MAGI2: variants seen among roughly 807,000 people sequenced by gnomAD.
MAGI2 encodes the protein membrane-associated guanylate kinase, WW and PDZ domain-containing protein 2.
MAGI2 carries 35 observed loss-of-function variants against 133.3 expected under a neutral mutation model. The observed-to-expected ratio is 0.26, with a 90% CI of 0.20 to 0.35. The LOEUF (loss-of-function observed/expected upper bound fraction) is 0.35. MAGI2 is among the 10% of genes least tolerant of loss of function. The pLI is 1.00. For synonymous variants in MAGI2, 729 were observed against 710.6 expected (o/e 1.03, Z -0.41); for missense variants, 1,636 against 1,863.4 (o/e 0.88, Z 2.25).
At chr7:78,552,594 C>G (rs1295675567) in intron 3 of MAGI2, among the ~76,000 whole-genome samples, 2 of 152,120 alleles carry the variant, frequency 1.3e-5, no homozygotes, top group African/African-American at 4.8e-5. Flanking sequence ...ATACAAAGAA[C>G]TGTATAGTGG....
chr7:78,481,558 G>C (rs1272624469), intron 6 of MAGI2, among the ~76,000 whole-genome samples: 1 of 151,784 alleles, frequency 6.6e-6, no homozygotes, highest in Non-Finnish European at 1.5e-5. Flanking sequence ...TTACTATATA[G>C]CTGAAAAATC....
At chr7:78,633,591 A>C (rs1213161453) in intron 2 of MAGI2, among the ~76,000 whole-genome samples, 2 of 151,884 alleles carry the variant, frequency 1.3e-5, no homozygotes, top group Non-Finnish European at 2.9e-5. Flanking sequence ...CTGTAGTCCC[A>C]GCTACTCCGG....
At chr7:78,413,315 T>A (rs774722475) in intron 6 of MAGI2, among the ~76,000 whole-genome samples, 1 of 152,040 alleles carries the variant, frequency 6.6e-6, no homozygotes, top group Non-Finnish European at 1.5e-5. Flanking sequence ...ATTCAATCCA[T>A]TAGTGGAAGA....
At chr7:78,649,522 T>C (rs576554384) in intron 2 of MAGI2, among the ~76,000 whole-genome samples, 53 of 152,116 alleles carry the variant, frequency 3.5e-4, no homozygotes, top group Non-Finnish European at 5.6e-4. Context: ...ATATTTTGAG[T>C]TGCAAATTTA....
intron 2 of MAGI2, among the ~76,000 whole-genome samples, chr7:78,787,341 AT>A (rs1222002352): frequency 6.6e-6 from 1 of 152,142 alleles, no homozygotes; most frequent in African/African-American, 2.4e-5. Context: ...TATGGAGGCC[AT>A]TTTTTGGAAC....
rs986935572 is a variant in MAGI2 at position 78,671,272 on chromosome 7, T to C, written c.419-44033A>G. Among the ~76,000 whole-genome samples the C allele has an allele frequency of 1.4e-3, 148 of 105,472 alleles. 3 individuals are homozygous for C. The highest frequency in any genetic ancestry group is 2.3e-4 in the Non-Finnish European group (12 of 52,658). The allele number at this position is 105,472 out of a possible 152,430, so 69.2% of individuals were successfully genotyped here. ...TTGCAAAACATAATTTAATTGTGTC[T>C]CTCTCTCTCTTTTTTTTTTTTTTAA... On this transcript the variant is annotated intron_variant, in intron 2 of 21. Transcript: ENST00000354212.
Position 78,521,663 on chromosome 7 carries a change from A to G in MAGI2, c.539-18T>C. 6.2e-7 allele frequency: 1 copy of G among 1,601,220 alleles called. No homozygotes were observed. ...GTAATTGTCTGCAAACAATACCAAAACATTCTTGGAGTTAAATATTTCTTC... is the reference window on the plus strand; with the variant it reads ...GTAATTGTCTGCAAACAATACCAAAGCATTCTTGGAGTTAAATATTTCTTC... On this transcript the variant is annotated intron_variant, in intron 3 of 21. Transcript: ENST00000354212.
chr7:79,292,770 C>CAAACAAAAAAAAAAAAAAAA (rs1836599854), intron 1 of MAGI2, among the ~76,000 whole-genome samples: 1 of 57,396 alleles, frequency 1.7e-5, no homozygotes, highest in East Asian at 4.0e-4. Flanking sequence ...TCAATTTCTG[C>CAAACAAAAAAAAAAAAAAAA]AAAAAAAAAA....
intron 1 of MAGI2, among the ~76,000 whole-genome samples, chr7:79,402,012 T>C (rs1845500606): frequency 6.6e-6 from 1 of 152,126 alleles, no homozygotes; most frequent in Admixed American, 6.5e-5. Flanking sequence ...ATAATATTCA[T>C]GGTTGCAAAT....
intron 2 of MAGI2, among the ~76,000 whole-genome samples, chr7:78,871,961 A>T (rs990548692): frequency 1.3e-5 from 2 of 152,018 alleles, no homozygotes; most frequent in Non-Finnish European, 2.9e-5. Flanking sequence ...TTCATTTTTG[A>T]CCTTGCTTAA....
intron 16 of MAGI2, among the ~76,000 whole-genome samples, chr7:78,159,242 G>A (rs997371632): frequency 6.6e-6 from 1 of 152,224 alleles, no homozygotes; most frequent in African/African-American, 2.4e-5. Context: ...GCAATGTGAA[G>A]CCATTGGGCA....
intron 3 of MAGI2, among the ~76,000 whole-genome samples, chr7:78,541,998 A>T (rs1798449010): frequency 6.6e-6 from 1 of 152,214 alleles, no homozygotes; most frequent in Admixed American, 6.5e-5. Flanking sequence ...CAGGCCATAC[A>T]GTCTGGGTCA....
intron 2 of MAGI2, among the ~76,000 whole-genome samples, chr7:78,889,676 A>G (rs1040445993): frequency 3.9e-5 from 6 of 152,172 alleles, no homozygotes; most frequent in Non-Finnish European, 8.8e-5. Context: ...ACAAGCAAAT[A>G]CTGAGAGATT....
At chr7:78,209,004 C>T (rs572857882) in intron 10 of MAGI2, among the ~76,000 whole-genome samples, 226 of 150,902 alleles carry the variant, frequency 1.5e-3, no homozygotes, top group African/African-American at 4.9e-3. Context: ...AGGTGGATCA[C>T]GAGGTCAGGA....
chr7:78,226,603 G>A (rs1472410820), intron 10 of MAGI2, among the ~76,000 whole-genome samples: 3 of 152,156 alleles, frequency 2.0e-5, no homozygotes, highest in East Asian at 1.9e-4. Context: ...TCCCACCACC[G>A]AAATTATATT....
chr7:78,202,607 C>T (rs1055253789), intron 10 of MAGI2, among the ~76,000 whole-genome samples: 3 of 133,232 alleles, frequency 2.3e-5, no homozygotes, highest in African/African-American at 5.6e-5. Context: ...CGCTGGAACT[C>T]GGGAGGCGGA....
chr7:78,033,329 T>C (rs2471612), intron 21 of MAGI2, among the ~76,000 whole-genome samples: 116,584 of 151,838 alleles, frequency 0.77, 44,965 homozygotes, highest in Middle Eastern at 0.88. Flanking sequence ...ATAAATTAGC[T>C]GGGTGCGGTG....
chr7:78,713,272 T>TTCATTCA (rs1468727046), intron 2 of MAGI2, among the ~76,000 whole-genome samples: 1 of 152,156 alleles, frequency 6.6e-6, no homozygotes, highest in Non-Finnish European at 1.5e-5. Context: ...AATTAAATAA[T>TTCATTCA]TCATTCATTT....
chr7:78,806,381 G>C (rs1345766199), intron 2 of MAGI2, among the ~76,000 whole-genome samples: 4 of 152,006 alleles, frequency 2.6e-5, no homozygotes, highest in Non-Finnish European at 4.4e-5. Flanking sequence ...TATTAAAAGT[G>C]TTCAATTAAT....
Sources: allele counts gnomAD v4.1 joint callset (sites outside exome capture counted in the v4.1 genomes callset), GRCh38; gene constraint gnomAD v4.1.1; transcripts MANE v1.5; gene names NCBI Gene and HGNC (gene_info 2026-07-23, HGNC 2026-07-21).